Variants in LRFN2 observed in about 807,000 individuals in gnomAD.
LRFN2 encodes the protein leucine-rich repeat and fibronectin type-III domain-containing protein 2.
A neutral mutation model predicts 37.3 loss-of-function variants in LRFN2; 18 were observed. The ratio of observed to expected loss-of-function variants is 0.48; its 90% CI spans 0.33 to 0.72. The LOEUF (loss-of-function observed/expected upper bound fraction) is 0.72. Among genes scored for constraint, LRFN2 ranks in the 30% least tolerant of loss-of-function variants. LRFN2 has a pLI of 0.02. For synonymous variants in LRFN2, 556 were observed against 466.6 expected (o/e 1.19, Z -2.47); for missense variants, 1,006 against 1,060.7 (o/e 0.95, Z 0.72).
At chr6:40,428,857 T>A (rs7759806) in intron 2 of LRFN2, among the ~76,000 whole-genome samples, 1 of 152,214 alleles carries the variant, frequency 6.6e-6, no homozygotes, top group African/African-American at 2.4e-5. Context: ...AAATTTGTCT[T>A]CTTAAAGAGA....
intron 1 of LRFN2, among the ~76,000 whole-genome samples, chr6:40,434,601 C>T (rs1485547406): frequency 6.6e-6 from 1 of 151,886 alleles, no homozygotes; most frequent in Admixed American, 6.6e-5. Flanking sequence ...CTCAGCCTCC[C>T]AAATAGCTGG....
chr6:40,391,672 T>C lies in LRFN2; in HGVS notation c.*271A>G. The C allele has an allele frequency of 2.7e-6, 1 of 364,370 alleles. No individual in the cohort carries two copies. Among genetic ancestry groups the C allele is most frequent in the Non-Finnish European group, 4.9e-6 (1 of 204,306 alleles). 22.6% of individuals were successfully genotyped at this position (364,370 alleles called of 1,614,324 possible). A position where few individuals can be genotyped will look rare whatever the true frequency, so the allele number is the denominator to read the frequency against. ...AAGCCGCTTGCTTGTAGGCTACATT[T>C]GTGATTAGAAAGGCGGAGTCTCGCC... On this transcript the variant is annotated 3_prime_UTR_variant, in exon 3 of 3. Transcript: ENST00000338305.
chr6:40,459,417 G>A (rs1220706241), intron 1 of LRFN2, among the ~76,000 whole-genome samples: 2 of 152,204 alleles, frequency 1.3e-5, no homozygotes, highest in Non-Finnish European at 2.9e-5. Flanking sequence ...GAGGTTGTGT[G>A]TGACACATAA....
chr6:40,487,545 G>A (rs575581041), intron 1 of LRFN2, among the ~76,000 whole-genome samples: 12 of 152,344 alleles, frequency 7.9e-5, no homozygotes, highest in South Asian at 2.1e-4. Context: ...CGAAAAAGTC[G>A]GCAGATGGGA....
At chr6:40,461,428 T>C (rs1298235556) in intron 1 of LRFN2, among the ~76,000 whole-genome samples, 1 of 151,060 alleles carries the variant, frequency 6.6e-6, no homozygotes. Flanking sequence ...AAATAAAAAC[T>C]AAAAAAAAGA....
At chr6:40,396,220 A>G (rs1762611370) in intron 2 of LRFN2, among the ~76,000 whole-genome samples, 1 of 152,156 alleles carries the variant, frequency 6.6e-6, no homozygotes, top group Non-Finnish European at 1.5e-5. Context: ...TTTCCACTTA[A>G]CAGATAAGAA....
rs529934701 is a variant in LRFN2, at chr6:40,495,060, C to G, written c.-18-61929G>C. Among the ~76,000 whole-genome samples, 27 of 152,334 alleles carry G rather than the reference C, an allele frequency of 1.8e-4. 1 individual carries two copies. Among genetic ancestry groups the G allele is most frequent in the African/African-American group, 5.8e-4 (24 of 41,576 alleles). On this transcript the variant is annotated intron_variant, in intron 1 of 2. Transcript: ENST00000338305. ...ATCTAGAGCCCTCTAGGGAATAACA[C>G]ACAGGTAGACTAGTTCTAATAACTG...
intron 1 of LRFN2, among the ~76,000 whole-genome samples, chr6:40,472,538 G>A (rs1205408416): frequency 6.6e-6 from 1 of 152,168 alleles, no homozygotes; most frequent in Non-Finnish European, 1.5e-5. Flanking sequence ...ACCTTGGGGG[G>A]CCTGTGGGGT....
chr6:40,410,952 G>A (rs1410641113), intron 2 of LRFN2, among the ~76,000 whole-genome samples: 1 of 152,236 alleles, frequency 6.6e-6, no homozygotes, highest in Non-Finnish European at 1.5e-5. Flanking sequence ...CCCCAAGTCT[G>A]GGAGCAGCCA....
At chr6:40,557,186 G>A (rs1194684521) in intron 1 of LRFN2, among the ~76,000 whole-genome samples, 6 of 152,136 alleles carry the variant, frequency 3.9e-5, no homozygotes, top group East Asian at 3.9e-4. Flanking sequence ...CACCCGAGGC[G>A]AGGTCTCCAT....
At chr6:40,552,385 C>T (rs992134567) in intron 1 of LRFN2, among the ~76,000 whole-genome samples, 5 of 152,202 alleles carry the variant, frequency 3.3e-5, no homozygotes, top group African/African-American at 1.2e-4. Context: ...AACTAGTTCC[C>T]AGTGATGCCA....
At chr6:40,483,344 T>G (rs1581740264) in intron 1 of LRFN2, among the ~76,000 whole-genome samples, 1 of 152,330 alleles carries the variant, frequency 6.6e-6, no homozygotes, top group Middle Eastern at 3.4e-3. Flanking sequence ...TTCCTGGACT[T>G]TCCCACTATT....
chr6:40,461,635 G>A lies in LRFN2; in HGVS notation c.-18-28504C>T, dbSNP rs370601032. On this transcript the variant is annotated intron_variant, in intron 1 of 2. Coordinates refer to ENST00000338305, the MANE Select transcript of LRFN2 (RefSeq NM_020737.3). ...CAACAGAGCCTATATTATAGTTTGG[G>A]GAGACAGAATACACGAGATAAATAA... 9.9e-5 allele frequency among the ~76,000 whole-genome samples: 15 copies of A among 151,614 alleles called. 1 individual carries two copies. The highest frequency in any genetic ancestry group is 3.6e-4 in the African/African-American group (15 of 41,316).
At chr6:40,433,498 T>TTGGA (rs1160936691) in intron 1 of LRFN2, among the ~76,000 whole-genome samples, 49 of 152,194 alleles carry the variant, frequency 3.2e-4, no homozygotes, top group South Asian at 1.2e-3. Context: ...TAACTATCTG[T>TTGGA]TGGATGGATG....
chr6:40,576,050 C>T (rs1017258090), intron 1 of LRFN2, among the ~76,000 whole-genome samples: 1 of 152,164 alleles, frequency 6.6e-6, no homozygotes, highest in Non-Finnish European at 1.5e-5. Flanking sequence ...CAAGCATGAC[C>T]TGGTCATTCC....
At chr6:40,447,681 C>T (rs1234920588) in intron 1 of LRFN2, among the ~76,000 whole-genome samples, 1 of 152,186 alleles carries the variant, frequency 6.6e-6, no homozygotes, top group Non-Finnish European at 1.5e-5. Context: ...TGCCTTAACA[C>T]ATTTCATCTT....
At chr6:40,470,997 G>C (rs1283193655) in intron 1 of LRFN2, among the ~76,000 whole-genome samples, 1 of 152,226 alleles carries the variant, frequency 6.6e-6, no homozygotes. Flanking sequence ...GGGGACAGCA[G>C]GCTGAGAAGG....
At chr6:40,489,925 C>T (rs894516064) in intron 1 of LRFN2, among the ~76,000 whole-genome samples, 1 of 152,174 alleles carries the variant, frequency 6.6e-6, no homozygotes, top group Non-Finnish European at 1.5e-5. Context: ...ACCACCTCAG[C>T]CCCAGCTGCT....
chr6:40,562,641 A>G (rs1043436257), intron 1 of LRFN2, among the ~76,000 whole-genome samples: 3 of 152,182 alleles, frequency 2.0e-5, no homozygotes, highest in African/African-American at 7.2e-5. Flanking sequence ...CTTAGCCGCC[A>G]GAGAAGCAGC....
Sources: allele counts gnomAD v4.1 joint callset (sites outside exome capture counted in the v4.1 genomes callset), GRCh38; gene constraint gnomAD v4.1.1; transcripts MANE v1.5; gene names NCBI Gene and HGNC (gene_info 2026-07-23, HGNC 2026-07-21).